UNC5D: variants seen among roughly 807,000 people sequenced by gnomAD.
UNC5D encodes the protein netrin receptor UNC5D.
UNC5D carries 39 observed loss-of-function variants against 105.4 expected under a neutral mutation model. That is an observed-to-expected ratio of 0.37 (90% CI 0.29 to 0.48). The LOEUF is 0.48. UNC5D is among the 20% of genes least tolerant of loss of function. UNC5D has a pLI of 0.98. For synonymous variants in UNC5D, 452 were observed against 450.4 expected, an observed-to-expected ratio of 1.00 and a Z score of -0.04; for missense variants, 991 against 1,202.4, an observed-to-expected ratio of 0.82 and a Z score of 2.60.
At chr8:35,277,253 C>T (rs1805838308) in intron 1 of UNC5D, among the ~76,000 whole-genome samples, 2 of 152,162 alleles carry the variant, frequency 1.3e-5, no homozygotes, top group African/African-American at 4.8e-5. Context: ...GTGCTTGGGA[C>T]AGTTATCTAT....
chr8:35,332,919 G>T lies in UNC5D; in HGVS notation c.103+97032G>T, dbSNP rs77988306. On this transcript the variant is annotated intron_variant, in intron 1 of 16. Coordinates refer to ENST00000404895, the MANE Select transcript of UNC5D (RefSeq NM_080872.4). ...CCTCTAGGAACTCTAAATCTTGATT[G>T]CTCTTCTGAGTGGGGTGAACATACA... 1.5e-3 allele frequency among the ~76,000 whole-genome samples: 232 copies of T among 152,296 alleles called. 2 individuals are homozygous for T. Among genetic ancestry groups the T allele is most frequent in the African/African-American group, 5.2e-3 (218 of 41,566 alleles).
chr8:35,615,864 G>A (rs1417818622), intron 4 of UNC5D, among the ~76,000 whole-genome samples: 1 of 152,154 alleles, frequency 6.6e-6, no homozygotes, highest in African/African-American at 2.4e-5. Context: ...CACAACCACT[G>A]TGGGCTGCAC....
At chr8:35,309,331 G>A (rs1174836754) in intron 1 of UNC5D, among the ~76,000 whole-genome samples, 1 of 152,098 alleles carries the variant, frequency 6.6e-6, no homozygotes, top group African/African-American at 2.4e-5. Flanking sequence ...GCAACACTGA[G>A]GTACAGGAGA....
intron 3 of UNC5D, among the ~76,000 whole-genome samples, chr8:35,584,062 T>C (rs1586183032): frequency 6.6e-6 from 1 of 152,156 alleles, no homozygotes; most frequent in East Asian, 1.9e-4. Context: ...GACACATGAA[T>C]TGACTCAGTA....
At chr8:35,723,839 C>T (rs182234054) in intron 9 of UNC5D, among the ~76,000 whole-genome samples, 173 of 152,002 alleles carry the variant, frequency 1.1e-3, no homozygotes, top group Middle Eastern at 0.01. Context: ...TGCATAAGTC[C>T]GTAGGCTTTG....
chr8:35,697,450 CTT>C (rs34744261), intron 7 of UNC5D, among the ~76,000 whole-genome samples: 1 of 151,540 alleles, frequency 6.6e-6, no homozygotes, highest in African/African-American at 2.4e-5. Flanking sequence ...ACTTGGGCAT[CTT>C]TTAGATGTGA....
chr8:35,665,198 C>G (rs1824348357), intron 4 of UNC5D, among the ~76,000 whole-genome samples: 1 of 152,194 alleles, frequency 6.6e-6, no homozygotes, highest in Non-Finnish European at 1.5e-5. Flanking sequence ...CCTTCTCCAA[C>G]TTAACCACAT....
At chr8:35,426,904 A>G (rs1806291648) in intron 1 of UNC5D, among the ~76,000 whole-genome samples, 1 of 152,168 alleles carries the variant, frequency 6.6e-6, no homozygotes, top group Admixed American at 6.6e-5. Flanking sequence ...ACCAAATTAA[A>G]AGCACAGTGA....
chr8:35,250,219 G>A (rs1486255567), intron 1 of UNC5D, among the ~76,000 whole-genome samples: 2 of 152,114 alleles, frequency 1.3e-5, no homozygotes, highest in Admixed American at 1.3e-4. Context: ...TGATCTCAGA[G>A]CACTTAAGTC....
At chr8:35,788,172 A>T (rs1446765912) in intron 16 of UNC5D, among the ~76,000 whole-genome samples, 1 of 149,154 alleles carries the variant, frequency 6.7e-6, no homozygotes, top group Non-Finnish European at 1.5e-5. Context: ...CACTTTATTC[A>T]CTCAGAATTG....
intron 1 of UNC5D, among the ~76,000 whole-genome samples, chr8:35,244,997 C>A (rs1803002428): frequency 6.6e-6 from 1 of 152,090 alleles, no homozygotes; most frequent in African/African-American, 2.4e-5. Context: ...GGAGACAGAG[C>A]AAGACCCTGT....
intron 12 of UNC5D, among the ~76,000 whole-genome samples, chr8:35,749,781 A>T (rs968533645): frequency 1.3e-5 from 2 of 152,052 alleles, no homozygotes; most frequent in African/African-American, 4.8e-5. Flanking sequence ...TCTCTTATAC[A>T]CAGATGGTGT....
At chr8:35,610,834 A>G (rs1367707213) in intron 4 of UNC5D, among the ~76,000 whole-genome samples, 1 of 152,144 alleles carries the variant, frequency 6.6e-6, no homozygotes, top group Non-Finnish European at 1.5e-5. Context: ...TGGAAATGAT[A>G]GAAATAGAAC....
chr8:35,775,099 A>T (rs183336549), intron 16 of UNC5D, among the ~76,000 whole-genome samples: 57 of 152,276 alleles, frequency 3.7e-4, no homozygotes, highest in African/African-American at 1.3e-3. Flanking sequence ...TGAACAGAGC[A>T]CTTTCTTAAG....
intron 1 of UNC5D, among the ~76,000 whole-genome samples, chr8:35,306,115 A>G (rs1284633852): frequency 6.6e-6 from 1 of 152,010 alleles, no homozygotes; most frequent in African/African-American, 2.4e-5. Flanking sequence ...CTGAAATGTG[A>G]AAAGAATAAG....
chr8:35,693,353 C>T (rs976587746), intron 7 of UNC5D, among the ~76,000 whole-genome samples: 1 of 152,144 alleles, frequency 6.6e-6, no homozygotes, highest in Non-Finnish European at 1.5e-5. Flanking sequence ...TGCCCATCCA[C>T]TACTGACTTT....
At chr8:35,364,897 C>T (rs1802029081) in intron 1 of UNC5D, among the ~76,000 whole-genome samples, 1 of 152,116 alleles carries the variant, frequency 6.6e-6, no homozygotes, top group African/African-American at 2.4e-5. Context: ...CTAACCCATA[C>T]CCCTGTGAAA....
intron 3 of UNC5D, among the ~76,000 whole-genome samples, chr8:35,593,808 T>A (rs1225511536): frequency 6.6e-6 from 1 of 152,174 alleles, no homozygotes; most frequent in Non-Finnish European, 1.5e-5. Flanking sequence ...ATCAGCAAAC[T>A]GACATCTTAT....
intron 1 of UNC5D, among the ~76,000 whole-genome samples, chr8:35,535,663 A>G (rs568499123): frequency 6.6e-6 from 1 of 152,162 alleles, no homozygotes; most frequent in South Asian, 2.1e-4. Flanking sequence ...ATATTCAGGC[A>G]TTTCCTAGAG....
Sources: gnomAD v4.1 joint callset for allele counts (sites outside exome capture counted in the v4.1 genomes callset) on GRCh38, gnomAD v4.1.1 for gene constraint, MANE v1.5 for transcripts, NCBI Gene and HGNC (gene_info 2026-07-23, HGNC 2026-07-21) for gene names.